CADM1: variants seen among roughly 807,000 people sequenced by gnomAD.
CADM1 encodes the protein TSLC-1.
In CADM1, 15 loss-of-function variants were observed where a neutral mutation model predicts 53.1. The ratio of observed to expected loss-of-function variants is 0.28; its 90% CI spans 0.19 to 0.44. The LOEUF (loss-of-function observed/expected upper bound fraction) is 0.44, where lower values mean the gene tolerates loss of function less well. CADM1 is among the 20% of genes least tolerant of loss of function. CADM1 has a pLI of 1.00. For missense variants in CADM1, 434 were observed against 611.3 expected, an observed-to-expected ratio of 0.71 and a Z score of 3.06; for synonymous variants, 281 against 243.0, an observed-to-expected ratio of 1.16 and a Z score of -1.45.
intron 1 of CADM1, among the ~76,000 whole-genome samples, chr11:115,363,936 T>C (rs1247123166): frequency 6.6e-6 from 1 of 152,138 alleles, no homozygotes; most frequent in Non-Finnish European, 1.5e-5. Context: ...CTATATTCAT[T>C]ACAGTAACAT....
chr11:115,305,059 G>A (rs577800856), intron 1 of CADM1, among the ~76,000 whole-genome samples: 4 of 152,056 alleles, frequency 2.6e-5, no homozygotes, highest in Non-Finnish European at 4.4e-5. Flanking sequence ...CACCTAGACA[G>A]GAGACATAGA....
chr11:115,314,574 T>C (rs12276465), intron 1 of CADM1, among the ~76,000 whole-genome samples: 26,784 of 152,062 alleles, frequency 0.18, 3,092 homozygotes, highest in African/African-American at 0.32. Flanking sequence ...TGCTCATTCC[T>C]CGTTTGTATA....
intron 1 of CADM1, among the ~76,000 whole-genome samples, chr11:115,293,669 C>T (rs1255320913): frequency 6.6e-6 from 1 of 152,062 alleles, no homozygotes; most frequent in Non-Finnish European, 1.5e-5. Flanking sequence ...ATGAGACAAC[C>T]ACAGTAGTTT....
rs755207983 is a variant in CADM1 at position 115,178,703 on chromosome 11, A to G, written c.1238T>C (p.Val413Ala). 4 of 1,607,310 alleles carry G rather than the reference A, an allele frequency of 2.5e-6. No homozygotes were observed. The highest frequency in any genetic ancestry group is 3.4e-6 in the Non-Finnish European group (4 of 1,174,678). Reference protein sequence around the residue: ...HAVIGGVVAVVVFAMLCLLII... With the variant: ...HAVIGGVVAVAVFAMLCLLII... Reference sequence around the variant, plus strand: ...GAGCAAGCACAGCATGGCGAACACCACCACCGCCACGACGCCACCGATCAC... The same window carrying G: ...GAGCAAGCACAGCATGGCGAACACCGCCACCGCCACGACGCCACCGATCAC... Residue 413 changes from valine (V) to alanine (A), a missense_variant, in exon 11 of 12, where the codon GTG becomes GCG. Val to Ala is a moderately conservative substitution (Grantham distance 64). Coordinates refer to ENST00000331581, the MANE Select transcript of CADM1 (RefSeq NM_001301043.2).
intron 1 of CADM1, among the ~76,000 whole-genome samples, chr11:115,295,524 AT>A (rs1235356024): frequency 3.9e-5 from 3 of 77,396 alleles, no homozygotes; most frequent in African/African-American, 3.1e-4. Context: ...ATATATATAT[AT>A]ATATATATAT....
chr11:115,222,488 G>A (rs1160420586), intron 5 of CADM1, among the ~76,000 whole-genome samples: 1 of 152,136 alleles, frequency 6.6e-6, no homozygotes, highest in Non-Finnish European at 1.5e-5. Flanking sequence ...AGAACATCTT[G>A]CAAAATATTT....
intron 1 of CADM1, among the ~76,000 whole-genome samples, chr11:115,355,894 G>T (rs1356688954): frequency 6.6e-6 from 1 of 152,164 alleles, no homozygotes; most frequent in African/African-American, 2.4e-5. Flanking sequence ...TACAAGTGGC[G>T]TGATCTTGGC....
At chr11:115,266,909 A>G (rs45486303) in intron 1 of CADM1, among the ~76,000 whole-genome samples, 30,859 of 152,236 alleles carry the variant, frequency 0.2, 4,855 homozygotes, top group East Asian at 0.69. Flanking sequence ...AAACTAGGAA[A>G]TTGTTTTAAC....
At chr11:115,378,128 G>T (rs1946485082) in intron 1 of CADM1, among the ~76,000 whole-genome samples, 1 of 152,102 alleles carries the variant, frequency 6.6e-6, no homozygotes, top group African/African-American at 2.4e-5. Flanking sequence ...CAGCAAGTTT[G>T]TTCACCAAGT....
At position 115,169,588 on chromosome 11, in the gene CADM1, A is replaced by G. The variant is rs1480699447; in HGVS notation, c.*6886T>C. ...TAATTGCAACACTATAGCTGCCCTC[A>G]TCACTTTATTCTGGGAGAGGAGGTT... On this transcript the variant is annotated 3_prime_UTR_variant, in exon 12 of 12. Coordinates refer to ENST00000331581, the MANE Select transcript of CADM1 (RefSeq NM_001301043.2). 1 of 456,580 alleles carries G rather than the reference A, an allele frequency of 2.2e-6. No homozygotes were observed. The highest frequency in any genetic ancestry group is 4.4e-6 in the Non-Finnish European group (1 of 226,972). The allele number at this position is 456,580 out of a possible 1,614,324, so 28.3% of individuals were successfully genotyped here.
At chr11:115,418,849 T>TAAAGCA in intron 1 of CADM1, among the ~76,000 whole-genome samples, 1 of 152,244 alleles carries the variant, frequency 6.6e-6, no homozygotes, top group South Asian at 2.1e-4. Context: ...AGCAAGTACT[T>TAAAGCA]AAAGCACGTC....
At chr11:115,342,299 C>T (rs1945469232) in intron 1 of CADM1, among the ~76,000 whole-genome samples, 1 of 152,126 alleles carries the variant, frequency 6.6e-6, no homozygotes, top group Non-Finnish European at 1.5e-5. Flanking sequence ...TTGACCAACT[C>T]AAGAGTTGTA....
chr11:115,198,856 AACATTGCCTTTGTTTTAACCCAACCC>A lies in CADM1; in HGVS notation c.1079-444_1079-419del, dbSNP rs1940287040. Among the ~76,000 whole-genome samples, 2 of 152,178 alleles carry A rather than the reference AACATTGCCTTTGTTTTAACCCAACCC, an allele frequency of 1.3e-5. 1 individual carries two copies. Among genetic ancestry groups the A allele is most frequent in the South Asian group, 4.1e-4 (2 of 4,826 alleles). The stretch of plus-strand genomic sequence containing the variant: ...TTAAACAATGGATTCATAACATTCA[AACATTGCCTTTGTTTTAACCCAACCC>A]ACCCGGGCACTTGGGCTTCTTGACT... On this transcript the variant is annotated intron_variant, in intron 8 of 11. Transcript: ENST00000331581.
At chr11:115,377,326 G>C (rs1014959633) in intron 1 of CADM1, 1 of 152,102 alleles carries the variant, frequency 6.6e-6, no homozygotes, top group East Asian at 1.9e-4. Context: ...GGAAACAGCA[G>C]AACGCTTCTG....
At chr11:115,279,966 T>C (rs1943544645) in intron 1 of CADM1, among the ~76,000 whole-genome samples, 1 of 152,172 alleles carries the variant, frequency 6.6e-6, no homozygotes, top group African/African-American at 2.4e-5. Flanking sequence ...TGCACAGCTG[T>C]AGAAAGCTAA....
At chr11:115,409,373 C>A (rs1947398366) in intron 1 of CADM1, among the ~76,000 whole-genome samples, 1 of 152,084 alleles carries the variant, frequency 6.6e-6, no homozygotes, top group African/African-American at 2.4e-5. Flanking sequence ...CTTAAGAATT[C>A]CCGTTCTTCA....
At chr11:115,469,323 A>G (rs1180862069) in intron 1 of CADM1, among the ~76,000 whole-genome samples, 2 of 152,210 alleles carry the variant, frequency 1.3e-5, no homozygotes, top group African/African-American at 2.4e-5. Context: ...ATAGTTTTAC[A>G]TATATTAACT....
rs772219496 is a variant in CADM1, at chr11:115,209,589, GGATGGT to G, written c.1057_1062del (p.Thr353_Ile354del). On this transcript the variant is annotated inframe_deletion, in exon 8 of 12. Transcript: ENST00000331581. ...GATACCATACCTGTGATGATGGTAAGGATGGTGGTGGTGGTGGTGGTGGTGGTGGTG... is the reference window on the plus strand; with the variant it reads ...GATACCATACCTGTGATGATGGTAAGGGTGGTGGTGGTGGTGGTGGTGGTG... 73 of 1,610,144 alleles carry G rather than the reference GGATGGT, an allele frequency of 4.5e-5. No homozygotes were observed. The highest frequency in any genetic ancestry group is 5.9e-5 in the Non-Finnish European group (70 of 1,177,564).
intron 1 of CADM1, among the ~76,000 whole-genome samples, chr11:115,291,596 C>G (rs980156441): frequency 6.6e-6 from 1 of 152,072 alleles, no homozygotes; most frequent in African/African-American, 2.4e-5. Context: ...CATGTGCTAG[C>G]CTTCCTTCCT....
Sources: allele counts gnomAD v4.1 joint callset (sites outside exome capture counted in the v4.1 genomes callset), GRCh38; gene constraint gnomAD v4.1.1; transcripts MANE v1.5; gene names NCBI Gene and HGNC (gene_info 2026-07-23, HGNC 2026-07-21).